Variants in POLR1A observed in about 807,000 individuals in gnomAD.
POLR1A encodes the protein RNA polymerase I subunit A.
Under a neutral mutation model 205.3 loss-of-function variants are expected in POLR1A, and 84 were observed. The ratio of observed to expected loss-of-function variants is 0.41; its 90% CI spans 0.34 to 0.49. The LOEUF is 0.49. POLR1A is among the 20% of genes least tolerant of loss of function. POLR1A has a pLI of 0.22. For missense variants in POLR1A, 1,645 were observed against 2,204.5 expected (o/e 0.75, Z 5.08); for synonymous variants, 799 against 863.7 (o/e 0.93, Z 1.31).
At chr2:86,081,420 A>C (rs1274990884) in intron 8 of POLR1A, among the ~76,000 whole-genome samples, 181 bp downstream of exon 8, 6 of 152,036 alleles carry the variant, frequency 3.9e-5, no homozygotes, top group Admixed American at 3.9e-4. Flanking sequence ...AAAACAACCA[A>C]CATTCCTATT....
At chr2:86,098,460 T>C (rs1673748488) in intron 3 of POLR1A, 151 bp downstream of exon 3, 1 of 717,270 alleles carries the variant, frequency 1.4e-6, no homozygotes, top group Non-Finnish European at 2.3e-6. Flanking sequence ...CTTCCTGTTT[T>C]CACACTCAGC....
At chr2:86,082,097 T>C (rs1327385269) in intron 7 of POLR1A, among the ~76,000 whole-genome samples, 1 of 152,080 alleles carries the variant, frequency 6.6e-6, no homozygotes, top group African/African-American at 2.4e-5. Context: ...CAGCCTCCCA[T>C]ATTGCTGTGA....
At position 86,023,758 on chromosome 2, in the gene POLR1A, T is replaced by G. The variant is rs1450218825; in HGVS notation, c.*3665A>C. 9.9e-5 allele frequency: 15 copies of G among 151,324 alleles called. No homozygotes were observed. Among genetic ancestry groups the G allele is most frequent in the African/African-American group, 2.9e-4 (12 of 41,242 alleles). 9.4% of individuals were successfully genotyped at this position (151,324 alleles called of 1,614,324 possible). Reference sequence around the variant, plus strand: ...GAAAGCAGGGTCTGAGTTTTTGTTTTTTTTTTTTTTTGAGACGGAATCTCA... The same window carrying G: ...GAAAGCAGGGTCTGAGTTTTTGTTTGTTTTTTTTTTTGAGACGGAATCTCA... On this transcript the variant is annotated 3_prime_UTR_variant, in exon 34 of 34. Transcript: ENST00000263857.
At chr2:86,069,091 C>T (rs1673131763) in intron 13 of POLR1A, among the ~76,000 whole-genome samples, 1 of 152,236 alleles carries the variant, frequency 6.6e-6, no homozygotes, top group African/African-American at 2.4e-5. Context: ...TAGCACCTAC[C>T]TCCAAGGACT....
intron 1 of POLR1A, among the ~76,000 whole-genome samples, chr2:86,105,269 C>A (rs1673904412): frequency 6.6e-6 from 1 of 152,116 alleles, no homozygotes; most frequent in Admixed American, 6.5e-5. Context: ...AACAACCAGA[C>A]CGAGAATATA....
chr2:86,061,235 T>G (rs1199427792), intron 14 of POLR1A, among the ~76,000 whole-genome samples: 1 of 152,074 alleles, frequency 6.6e-6, no homozygotes, highest in Non-Finnish European at 1.5e-5. Flanking sequence ...TCACCTAAGG[T>G]CAGGAGTTTG....
chr2:86,022,450 C>T lies in POLR1A; in HGVS notation c.*4973G>A, dbSNP rs540006946. On this transcript the variant is annotated 3_prime_UTR_variant, in exon 34 of 34. Transcript: ENST00000263857. Reference sequence around the variant, plus strand: ...ATGTCATCGTACCGATAGGTGGTGACGGTGGCTGTGCATTTCCACAATTTA... The same window carrying T: ...ATGTCATCGTACCGATAGGTGGTGATGGTGGCTGTGCATTTCCACAATTTA... 4 of 152,314 alleles carry T rather than the reference C, an allele frequency of 2.6e-5. No homozygotes were observed. Among genetic ancestry groups the T allele is most frequent in the Admixed American group, 6.5e-5 (1 of 15,304 alleles). 9.4% of individuals were successfully genotyped at this position (152,314 alleles called of 1,614,324 possible).
chr2:86,092,035 T>C (rs1673616288), intron 3 of POLR1A, among the ~76,000 whole-genome samples: 1 of 152,040 alleles, frequency 6.6e-6, no homozygotes, highest in Non-Finnish European at 1.5e-5. Context: ...AGAATCGCTT[T>C]AGCCTGGGAG....
chr2:86,102,842 TAG>T (rs1010574935), intron 1 of POLR1A, among the ~76,000 whole-genome samples: 22 of 152,330 alleles, frequency 1.4e-4, no homozygotes, highest in African/African-American at 3.1e-4. Context: ...TGCCACTTCC[TAG>T]AGAGACATTT....
At position 86,101,087 on chromosome 2, in the gene POLR1A, T is replaced by C. The variant is rs146675593; in HGVS notation, c.78-915A>G. On this transcript the variant is annotated intron_variant, in intron 1 of 33. Transcript: ENST00000263857. ...ATTTGACAACATTAAACACATTTAG[T>C]CAAACCTTAAAAAAGGTTTCATCAC... is the stretch of plus-strand genomic sequence containing the variant. Among the ~76,000 whole-genome samples, 266 of 152,334 alleles carry C rather than the reference T, an allele frequency of 1.7e-3. 4 individuals carry two copies. Among genetic ancestry groups the C allele is most frequent in the African/African-American group, 6.2e-3 (256 of 41,574 alleles).
intron 6 of POLR1A, among the ~76,000 whole-genome samples, chr2:86,085,966 A>G (rs921121207): frequency 3.3e-5 from 5 of 152,056 alleles, no homozygotes; most frequent in African/African-American, 9.7e-5. Context: ...GAGCACAGGG[A>G]GCGCACTGGA....
At chr2:86,034,886 G>A (rs12328085) in intron 27 of POLR1A, among the ~76,000 whole-genome samples, 25,039 of 151,682 alleles carry the variant, frequency 0.17, 4,743 homozygotes, top group African/African-American at 0.46. Flanking sequence ...TCCCCCCACC[G>A]TCCCGAGATG....
At chr2:86,069,950 A>C in intron 13 of POLR1A, 68 bp downstream of exon 13, 212 of 1,437,762 alleles carry the variant, frequency 1.5e-4, no homozygotes, top group Middle Eastern at 2.4e-4. Context: ...AGGGGCTGGC[A>C]GGGCCCAACT....
chr2:86,029,678 G>C (rs1672344627), intron 31 of POLR1A, among the ~76,000 whole-genome samples: 1 of 149,152 alleles, frequency 6.7e-6, no homozygotes, highest in Admixed American at 6.7e-5. Flanking sequence ...TTTACTGCAA[G>C]CTCCGCCTCC....
chr2:86,089,584 C>T (rs1369688663), intron 4 of POLR1A, among the ~76,000 whole-genome samples: 1 of 152,138 alleles, frequency 6.6e-6, no homozygotes, highest in African/African-American at 2.4e-5. Context: ...GATGCTATAC[C>T]GAAATCATAT....
At chr2:86,056,579 CCA>C (rs1411798703) in intron 14 of POLR1A, among the ~76,000 whole-genome samples, 1 of 152,162 alleles carries the variant, frequency 6.6e-6, no homozygotes, top group Non-Finnish European at 1.5e-5. Context: ...GAAGAAGATG[CCA>C]CATATAGGAC....
At chr2:86,044,677 G>A (rs898229014) in intron 21 of POLR1A, among the ~76,000 whole-genome samples, 24 of 152,226 alleles carry the variant, frequency 1.6e-4, no homozygotes, top group Non-Finnish European at 1.0e-4. Context: ...GACGGGCGAA[G>A]CAGGGGAGCT....
intron 31 of POLR1A, among the ~76,000 whole-genome samples, chr2:86,029,320 T>C (rs1335940618): frequency 6.6e-6 from 1 of 151,656 alleles, no homozygotes; most frequent in Non-Finnish European, 1.5e-5. Context: ...AGGGGGAGCT[T>C]TGCCAGCTTA....
chr2:86,068,388 G>GGGGGC (rs1553436037), intron 13 of POLR1A, among the ~76,000 whole-genome samples: 3 of 116,960 alleles, frequency 2.6e-5, no homozygotes, highest in African/African-American at 6.7e-5. Flanking sequence ...CACATGGGCG[G>GGGGGC]GGGGGGGGGG....
Sources: gnomAD v4.1 joint callset for allele counts (sites outside exome capture counted in the v4.1 genomes callset) on GRCh38, gnomAD v4.1.1 for gene constraint, MANE v1.5 for transcripts, NCBI Gene and HGNC (gene_info 2026-07-23, HGNC 2026-07-21) for gene names.